KDM4B: variants seen among roughly 807,000 people sequenced by gnomAD.
KDM4B encodes lysine demethylase 4B, also known as lysine-specific demethylase 4B.
In KDM4B, 32 loss-of-function variants were observed where a neutral mutation model predicts 125.2. The observed-to-expected ratio is 0.26, with a 90% confidence interval of 0.19 to 0.34. KDM4B has a LOEUF of 0.34. KDM4B is among the 10% of genes least tolerant of loss of function. The probability of loss-of-function intolerance (pLI) is 1.00; values close to 1 mark genes in which losing one functional copy is unlikely to be tolerated. For synonymous variants in KDM4B, 721 were observed against 677.9 expected, an observed-to-expected ratio of 1.06 and a Z score of -0.99; for missense variants, 1,190 against 1,577.7, an observed-to-expected ratio of 0.75 and a Z score of 4.16.
Position 5,115,472 on chromosome 19 carries a change from C to T in KDM4B, c.1116-4181C>T, listed in dbSNP as rs2039237479. ...GCCCAGTGGAGCAAAGCCACATATG[C>T]TGATACTGGGGCTCTCCTAAAGTCA... On this transcript the variant is annotated intron_variant, in intron 10 of 22. Coordinates refer to ENST00000159111, the MANE Select transcript of KDM4B (RefSeq NM_015015.3). The surrounding 1 kb of genome is among the most constrained non-coding windows in gnomAD (Gnocchi z 4.2). Among the ~76,000 whole-genome samples, 2 of 152,224 alleles carry T rather than the reference C, an allele frequency of 1.3e-5. No homozygotes were observed. Among genetic ancestry groups the T allele is most frequent in the Non-Finnish European group, 2.9e-5 (2 of 68,032 alleles).
chr19:5,129,417 C>T (rs1448483272), intron 11 of KDM4B, among the ~76,000 whole-genome samples: 3 of 152,170 alleles, frequency 2.0e-5, no homozygotes, highest in Non-Finnish European at 1.5e-5. Context: ...CCTGGCATCA[C>T]GGACTGTGGA....
chr19:5,037,658 G>C (rs1162691332), intron 3 of KDM4B, among the ~76,000 whole-genome samples: 3 of 152,216 alleles, frequency 2.0e-5, no homozygotes, highest in African/African-American at 7.2e-5. Context: ...CTGTGGACTT[G>C]GGGCCGCATC....
chr19:5,093,402 G>T (rs1428312679), intron 9 of KDM4B, among the ~76,000 whole-genome samples: 15 of 152,274 alleles, frequency 9.9e-5, no homozygotes, highest in Admixed American at 6.5e-5. Flanking sequence ...GCAGGGAGCC[G>T]CTTTCTGTGC....
intron 11 of KDM4B, among the ~76,000 whole-genome samples, chr19:5,128,623 G>A (rs10413566): frequency 0.21 from 31,195 of 152,134 alleles, 3,327 homozygotes; most frequent in Admixed American, 0.24. Flanking sequence ...GGGGTGAGGC[G>A]TGCGGCCTCT....
intron 11 of KDM4B, among the ~76,000 whole-genome samples, chr19:5,124,627 C>T (rs995210302): frequency 2.0e-5 from 3 of 152,188 alleles, no homozygotes; most frequent in South Asian, 4.1e-4. Context: ...GATGGAGTTC[C>T]GCTCTGTCAC....
intron 5 of KDM4B, among the ~76,000 whole-genome samples, chr19:5,044,760 C>A (rs1056821620): frequency 1.3e-5 from 2 of 152,112 alleles, no homozygotes; most frequent in African/African-American, 2.4e-5. Flanking sequence ...CCCTCTCCCC[C>A]ATCCCTCTCC....
At chr19:4,975,521 C>T (rs144505375) in intron 1 of KDM4B, among the ~76,000 whole-genome samples, 18 of 151,880 alleles carry the variant, frequency 1.2e-4, no homozygotes, top group African/African-American at 4.1e-4. Flanking sequence ...GTCAGCCTCA[C>T]GACCCCTAGA....
chr19:4,970,020 G>T (rs2034197982), intron 1 of KDM4B, among the ~76,000 whole-genome samples: 1 of 152,102 alleles, frequency 6.6e-6, no homozygotes, highest in Admixed American at 6.6e-5. Flanking sequence ...AGTTGCTTCC[G>T]CCGAGACCCC....
intron 9 of KDM4B, among the ~76,000 whole-genome samples, chr19:5,109,154 G>A (rs1184495929): frequency 6.6e-6 from 1 of 152,242 alleles, no homozygotes; most frequent in Non-Finnish European, 1.5e-5. Context: ...AAAACACTCA[G>A]CGTTTGGGCC....
chr19:5,083,644 A>G (rs192903200), intron 9 of KDM4B, among the ~76,000 whole-genome samples: 1 of 152,192 alleles, frequency 6.6e-6, no homozygotes, highest in East Asian at 1.9e-4. Flanking sequence ...GGCAGCATTG[A>G]ACAGCCCAGC....
At position 5,104,297 on chromosome 19, in the gene KDM4B, CTG is replaced by C. The variant is rs569981189; in HGVS notation, c.919-6322_919-6321del. 4.6e-5 allele frequency among the ~76,000 whole-genome samples: 7 copies of C among 152,254 alleles called. 1 individual carries two copies. The highest frequency in any genetic ancestry group is 1.7e-4 in the African/African-American group (7 of 41,468). On this transcript the variant is annotated intron_variant, in intron 9 of 22. Transcript: ENST00000159111. Reference sequence around the variant, plus strand: ...GTGCTTATTTTGTCTCCCAGTTACACTGTGAGCTGCTTCAGGGCAGGGCCCAG... The same window carrying C: ...GTGCTTATTTTGTCTCCCAGTTACACTGAGCTGCTTCAGGGCAGGGCCCAG...
intron 9 of KDM4B, among the ~76,000 whole-genome samples, chr19:5,100,390 G>A (rs1006264633): frequency 2.8e-4 from 43 of 152,130 alleles, no homozygotes; most frequent in African/African-American, 1.0e-3. Flanking sequence ...CGTTTTCTAC[G>A]TTGTCTTTTT....
At chr19:5,119,310 G>A (rs1239735311) in intron 10 of KDM4B, 18 of 930,012 alleles carry the variant, frequency 1.9e-5, no homozygotes, top group East Asian at 2.6e-5. Context: ...TCTCTGTCCC[G>A]TGGCACACGC....
At chr19:5,090,366 A>ATC (rs2038653288) in intron 9 of KDM4B, among the ~76,000 whole-genome samples, 1 of 60,170 alleles carries the variant, frequency 1.7e-5, no homozygotes, top group Non-Finnish European at 3.3e-5. Context: ...CTCTCTCCTC[A>ATC]TCTCTCTCTC....
intron 10 of KDM4B, chr19:5,119,165 A>C: frequency 6.5e-7 from 1 of 1,535,324 alleles, no homozygotes; most frequent in Non-Finnish European, 8.7e-7. Context: ...ACTGAGGAGG[A>C]GAGGAAACCA....
intron 10 of KDM4B, among the ~76,000 whole-genome samples, chr19:5,111,206 G>C (rs934657209): frequency 6.6e-6 from 1 of 152,242 alleles, no homozygotes; most frequent in South Asian, 2.1e-4. Context: ...CTCACTCACC[G>C]CATTTCTGCT....
At chr19:5,020,313 GGGTGTTGGTGTGCA>G (rs1355735633) in intron 2 of KDM4B, among the ~76,000 whole-genome samples, 91 of 142,776 alleles carry the variant, frequency 6.4e-4, no homozygotes, top group East Asian at 5.5e-3. Context: ...GTGTTGGTGT[GGGTGTTGGTGTGCA>G]GGTGTTGGTG....
At chr19:4,979,831 A>G (rs1436989297) in intron 1 of KDM4B, among the ~76,000 whole-genome samples, 2 of 152,212 alleles carry the variant, frequency 1.3e-5, no homozygotes, top group Non-Finnish European at 2.9e-5. Context: ...GGCTGGGCAC[A>G]GCGGCTCATG....
chr19:5,023,758 A>ATTT (rs148293792), intron 2 of KDM4B, among the ~76,000 whole-genome samples: 1,126 of 88,948 alleles, frequency 0.013, 20 homozygotes, highest in African/African-American at 0.018. Context: ...GTCTTTTTGA[A>ATTT]TTTTTTTTTT....
Sources: gnomAD v4.1 joint callset for allele counts (sites outside exome capture counted in the v4.1 genomes callset) on GRCh38, gnomAD v4.1.1 for gene constraint, Gnocchi (gnomAD v3.1) non-coding constraint, MANE v1.5 for transcripts, NCBI Gene and HGNC (gene_info 2026-07-23, HGNC 2026-07-21) for gene names.